The following CEP170 variants were observed in gnomAD, a reference collection of about 807,000 sequenced individuals.
CEP170 encodes centrosomal protein of 170 kDa.
CEP170 carries 21 observed loss-of-function variants against 151.9 expected under a neutral mutation model. The observed-to-expected ratio is 0.14, with a 90% CI of 0.10 to 0.20. The LOEUF is 0.20. Ranked by LOEUF, CEP170 falls within the 10% of genes least tolerant of loss-of-function variation. The probability of loss-of-function intolerance (pLI) is 1.00; values close to 1 mark genes in which losing one functional copy is unlikely to be tolerated. For missense variants in CEP170, 964 were observed against 1,892.9 expected (o/e 0.51, Z 9.11); for synonymous variants, 356 against 648.8 (o/e 0.55, Z 6.86).
chr1:243,252,683 A>T (rs1177379274), intron 1 of CEP170, among the ~76,000 whole-genome samples: 1 of 152,154 alleles, frequency 6.6e-6, no homozygotes, highest in East Asian at 1.9e-4. Flanking sequence ...ATCTCAGAAC[A>T]CAATGAAATT....
chr1:243,231,889 A>G (rs2063794924), intron 1 of CEP170, among the ~76,000 whole-genome samples: 1 of 152,140 alleles, frequency 6.6e-6, no homozygotes. Flanking sequence ...TTAATAATAC[A>G]CCTAAAGCAA....
chr1:243,234,407 T>A (rs1332732734), intron 1 of CEP170, among the ~76,000 whole-genome samples: 1 of 152,168 alleles, frequency 6.6e-6, no homozygotes, highest in Non-Finnish European at 1.5e-5. Flanking sequence ...GAATAAATCG[T>A]AGGAGAAAGA....
At chr1:243,191,530 G>T (rs1337978366) in intron 7 of CEP170, 36 bp from the exon 8 acceptor site, 2 of 1,295,418 alleles carry the variant, frequency 1.5e-6, no homozygotes. Context: ...CAAAATATTT[G>T]ATTGCTTCTG....
chr1:243,206,631 A>T (rs889807120), intron 4 of CEP170, among the ~76,000 whole-genome samples: 1 of 152,258 alleles, frequency 6.6e-6, no homozygotes, highest in South Asian at 2.1e-4. Flanking sequence ...GGTTTCAGAC[A>T]TAAGTACAAT....
rs188856545 is a variant in CEP170 at position 243,225,992 on chromosome 1, T to C, written c.-41-671A>G. Among the ~76,000 whole-genome samples, 86 of 147,866 alleles carry C rather than the reference T, an allele frequency of 5.8e-4. 1 individual carries two copies. In the East Asian group the frequency reaches 9.3e-3, roughly 16 times the overall value. On this transcript the variant is annotated intron_variant, in intron 1 of 19. Transcript: ENST00000366542. ...ATATCTATCTATCTATCTATATATA[T>C]ACACGTATATATATCTAGATATATA...
rs146182869 is a variant in CEP170 at position 243,232,582 on chromosome 1, T to C, written c.-41-7261A>G. On this transcript the variant is annotated intron_variant, in intron 1 of 19. Coordinates refer to ENST00000366542, the MANE Select transcript of CEP170 (RefSeq NM_014812.3). ...ATTACACCTCAAGTTGATGAGCTCT[T>C]TGAAGGCAGCAAAACTGTCTTCCTC... Among the ~76,000 whole-genome samples the C allele has an allele frequency of 7.0e-4, 106 of 152,338 alleles. 2 individuals carry two copies. The East Asian group carries it at 0.019, about 27-fold the overall frequency.
intron 1 of CEP170, among the ~76,000 whole-genome samples, chr1:243,226,952 G>A (rs932501660): frequency 3.9e-4 from 59 of 152,266 alleles, no homozygotes; most frequent in African/African-American, 1.4e-3. Context: ...TCACGCCACT[G>A]CACTTCATCC....
chr1:243,170,853 A>G (rs993926753), intron 11 of CEP170, among the ~76,000 whole-genome samples: 1 of 152,228 alleles, frequency 6.6e-6, no homozygotes, highest in Non-Finnish European at 1.5e-5. Context: ...TCCTAAGGAT[A>G]CCAAAGCCTG....
chr1:243,197,537 C>T (rs1284213752), intron 7 of CEP170, among the ~76,000 whole-genome samples: 2 of 151,972 alleles, frequency 1.3e-5, no homozygotes, highest in Non-Finnish European at 2.9e-5. Flanking sequence ...AAAGTTCTTC[C>T]AAATTCTGGA....
At chr1:243,203,502 C>T (rs1293642225) in intron 4 of CEP170, among the ~76,000 whole-genome samples, 2 of 151,914 alleles carry the variant, frequency 1.3e-5, no homozygotes, top group East Asian at 1.9e-4. Context: ...AAAAACAGAG[C>T]GAAACTTTAA....
intron 4 of CEP170, among the ~76,000 whole-genome samples, chr1:243,206,526 T>C (rs1315433645): frequency 1.3e-5 from 2 of 152,226 alleles, no homozygotes; most frequent in Admixed American, 6.5e-5. Context: ...ACAAGAAATG[T>C]TGAAGGAAGT....
At chr1:243,157,022 C>G (rs1487567932) in intron 13 of CEP170, among the ~76,000 whole-genome samples, 1 of 152,164 alleles carries the variant, frequency 6.6e-6, no homozygotes, top group Non-Finnish European at 1.5e-5. Flanking sequence ...CATTCAACAT[C>G]CTGTTACGCT....
At chr1:243,244,960 T>C (rs2065228935) in intron 1 of CEP170, among the ~76,000 whole-genome samples, 1 of 152,198 alleles carries the variant, frequency 6.6e-6, no homozygotes, top group Non-Finnish European at 1.5e-5. Flanking sequence ...AATTTGACTA[T>C]ATACATGTTA....
intron 10 of CEP170, among the ~76,000 whole-genome samples, chr1:243,173,218 G>A (rs1044548746): frequency 2.0e-5 from 3 of 151,700 alleles, no homozygotes; most frequent in Non-Finnish European, 2.9e-5. Context: ...GCGCAACCAT[G>A]CCCGGCTAAT....
chr1:243,170,631 G>A (rs34860261), intron 11 of CEP170, among the ~76,000 whole-genome samples: 1 of 151,624 alleles, frequency 6.6e-6, no homozygotes, highest in African/African-American at 2.4e-5. Context: ...TCGTCTCTAC[G>A]AAAAACACAA....
At chr1:243,237,960 C>T (rs139629232) in intron 1 of CEP170, among the ~76,000 whole-genome samples, 13 of 152,204 alleles carry the variant, frequency 8.5e-5, no homozygotes, top group South Asian at 8.3e-4. Context: ...TATAAACAAT[C>T]GGGTCTATCT....
chr1:243,200,726 C>A lies in CEP170; in HGVS notation c.334-46G>T, dbSNP rs1213241166. On this transcript the variant is annotated intron_variant, in intron 5 of 19. Coordinates refer to ENST00000366542, the MANE Select transcript of CEP170 (RefSeq NM_014812.3). The stretch of plus-strand genomic sequence containing the variant: ...GAAGTGAAACATCAAGAAGTAAAAT[C>A]AACCATAGTGAAGAGTAGATTTGCA... The A allele has an allele frequency of 1.9e-6, 3 of 1,605,624 alleles. No homozygotes were observed. In the Admixed American group the frequency reaches 5.2e-5, roughly 28 times the overall value.
chr1:243,252,549 G>A (rs1195979674), intron 1 of CEP170, among the ~76,000 whole-genome samples: 1 of 151,864 alleles, frequency 6.6e-6, no homozygotes, highest in African/African-American at 2.4e-5. Context: ...AAATCACGAA[G>A]CACAGAATTT....
chr1:243,133,775 T>C lies in CEP170; in HGVS notation c.4319+2368A>G, dbSNP rs184817774. Among the ~76,000 whole-genome samples, 4 of 152,314 alleles carry C rather than the reference T, an allele frequency of 2.6e-5. No homozygotes were observed. The East Asian group carries it at 7.7e-4, about 29-fold the overall frequency. ...GTGAAAGAAGTAAACCTAGGAATGA[T>C]GGAGTCACTAGGGGAAAACATGTAC... On this transcript the variant is annotated intron_variant, in intron 17 of 19. Coordinates refer to ENST00000366542, the MANE Select transcript of CEP170 (RefSeq NM_014812.3).
Sources: gnomAD v4.1 joint callset for allele counts (sites outside exome capture counted in the v4.1 genomes callset) on GRCh38, gnomAD v4.1.1 for gene constraint, MANE v1.5 for transcripts, NCBI Gene and HGNC (gene_info 2026-07-23, HGNC 2026-07-21) for gene names.